GABBR2: variants seen among roughly 807,000 people sequenced by gnomAD.
The protein encoded by GABBR2 is G-protein coupled receptor 51.
A neutral mutation model predicts 105.6 loss-of-function variants in GABBR2; 23 were observed. That is an observed-to-expected ratio of 0.22 (90% confidence interval 0.16 to 0.31). The LOEUF (loss-of-function observed/expected upper bound fraction) is 0.31, where lower values mean the gene tolerates loss of function less well. GABBR2 is among the 10% of genes least tolerant of loss of function. GABBR2 has a pLI of 1.00. For missense variants in GABBR2, 734 were observed against 1,245.5 expected, an observed-to-expected ratio of 0.59 and a Z score of 6.18; for synonymous variants, 478 against 499.7, an observed-to-expected ratio of 0.96 and a Z score of 0.58.
At chr9:98,683,229 G>A (rs1830572846) in intron 1 of GABBR2, among the ~76,000 whole-genome samples, 1 of 152,148 alleles carries the variant, frequency 6.6e-6, no homozygotes. Context: ...AAGTACCTGA[G>A]ATTACAGGCA....
At position 98,290,439 on chromosome 9, in the gene GABBR2, A is replaced by T; in HGVS notation, c.*145T>A. The T allele has an allele frequency of 2.2e-6, 1 of 453,486 alleles. No homozygotes were observed. Among genetic ancestry groups the T allele is most frequent in the Non-Finnish European group, 3.7e-6 (1 of 271,280 alleles). The allele number at this position is 453,486 out of a possible 1,614,324, so 28.1% of individuals were successfully genotyped here. A position where few individuals can be genotyped will look rare whatever the true frequency, so the allele number is the denominator to read the frequency against. On this transcript the variant is annotated 3_prime_UTR_variant, in exon 19 of 19. Coordinates refer to ENST00000259455, the MANE Select transcript of GABBR2 (RefSeq NM_005458.8). ...AGTCTCCCCCTGCCCCGTCCTGTCC[A>T]CCTGAGTGCCATCCGAGTGGTCCTG...
Position 98,380,522 on chromosome 9 carries a change from C to T in GABBR2, c.1662+5118G>A, listed in dbSNP as rs3780422. 0.37 allele frequency among the ~76,000 whole-genome samples: 56,885 copies of T among 152,160 alleles called. 11,840 individuals carry two copies. Among genetic ancestry groups the T allele is most frequent in the East Asian group, 0.52 (2,708 of 5,176 alleles). On this transcript the variant is annotated intron_variant, in intron 11 of 18. Transcript: ENST00000259455. ...AGCTGCCGGGGTCCATCCCTTCCCC[C>T]TGGCACTGGGGCCCTGGCCACGCCC... is the stretch of plus-strand genomic sequence containing the variant.
intron 7 of GABBR2, among the ~76,000 whole-genome samples, chr9:98,435,985 C>T (rs1327776443): frequency 1.3e-5 from 2 of 151,934 alleles, no homozygotes; most frequent in Non-Finnish European, 2.9e-5. Context: ...TATCAGTTTT[C>T]ATCTGTTTCC....
intron 13 of GABBR2, among the ~76,000 whole-genome samples, chr9:98,351,878 T>C (rs1831405074): frequency 6.6e-6 from 1 of 152,246 alleles, no homozygotes; most frequent in Non-Finnish European, 1.5e-5. Context: ...GGAGGTATCA[T>C]GTTTCTTTGC....
chr9:98,595,157 T>G (rs776192349), intron 1 of GABBR2, among the ~76,000 whole-genome samples: 3 of 152,080 alleles, frequency 2.0e-5, no homozygotes, highest in Non-Finnish European at 2.9e-5. Flanking sequence ...GCCAGCAGAT[T>G]TGGTGTCTAG....
intron 1 of GABBR2, among the ~76,000 whole-genome samples, chr9:98,597,092 G>A (rs976816396): frequency 6.6e-6 from 1 of 152,142 alleles, no homozygotes; most frequent in Non-Finnish European, 1.5e-5. Flanking sequence ...GATCCCAGGG[G>A]TTGTCTGGGC....
At chr9:98,378,214 C>G (rs1253627756) in intron 11 of GABBR2, among the ~76,000 whole-genome samples, 1 of 152,108 alleles carries the variant, frequency 6.6e-6, no homozygotes, top group Non-Finnish European at 1.5e-5. Context: ...GTTAGAAAAT[C>G]CCAGTACCTC....
At chr9:98,402,252 G>C (rs1476979189) in intron 8 of GABBR2, among the ~76,000 whole-genome samples, 1 of 152,132 alleles carries the variant, frequency 6.6e-6, no homozygotes, top group African/African-American at 2.4e-5. Flanking sequence ...TCTAATCACG[G>C]CTTCACTCAA....
At chr9:98,614,248 G>A (rs1265332860) in intron 1 of GABBR2, among the ~76,000 whole-genome samples, 1 of 152,200 alleles carries the variant, frequency 6.6e-6, no homozygotes, top group Non-Finnish European at 1.5e-5. Flanking sequence ...ACTAGGCTGG[G>A]CGCGGTGGCT....
intron 1 of GABBR2, among the ~76,000 whole-genome samples, chr9:98,690,524 G>A (rs941625681): frequency 1.3e-5 from 2 of 152,072 alleles, no homozygotes; most frequent in East Asian, 1.9e-4. Context: ...GGAATAGCCC[G>A]CCCTTCTCTG....
rs962789804 is a variant in GABBR2 at position 98,707,053 on chromosome 9, T to C, written c.321+1364A>G. ...GCGTACCGCTGCCAACTGCCACCGG[T>C]TCCTTCACCTTTTATTTACAGCGCA... On this transcript the variant is annotated intron_variant, in intron 1 of 18. Coordinates refer to ENST00000259455, the MANE Select transcript of GABBR2 (RefSeq NM_005458.8). 3.3e-5 allele frequency among the ~76,000 whole-genome samples: 5 copies of C among 152,200 alleles called. No individual in the cohort carries two copies. In the South Asian group the frequency reaches 1.0e-3, roughly 32 times the overall value.
intron 3 of GABBR2, among the ~76,000 whole-genome samples, chr9:98,524,161 G>T (rs1420043873): frequency 3.9e-5 from 6 of 152,200 alleles, no homozygotes; most frequent in African/African-American, 7.2e-5. Context: ...AAGATAACTT[G>T]TAAAAAGGGC....
intron 1 of GABBR2, among the ~76,000 whole-genome samples, chr9:98,605,045 C>T (rs1332063379): frequency 3.9e-5 from 6 of 152,248 alleles, no homozygotes; most frequent in Non-Finnish European, 8.8e-5. Flanking sequence ...CCCCTAATGA[C>T]ATGGAAGCTG....
At position 98,288,725 on chromosome 9, in the gene GABBR2, G is replaced by T. The variant is rs1456771971; in HGVS notation, c.*1859C>A. The T allele has an allele frequency of 6.6e-6, 1 of 152,570 alleles. No individual in the cohort carries two copies. The highest frequency in any genetic ancestry group is 2.4e-5 in the African/African-American group (1 of 41,448). The allele number at this position is 152,570 out of a possible 1,614,324, so 9.5% of individuals were successfully genotyped here. Reference sequence around the variant, plus strand: ...ACAGAGAATGACTTCAACTTGACCTGTGATGTGTTAACATTTTTTTTTCCC... The same window carrying T: ...ACAGAGAATGACTTCAACTTGACCTTTGATGTGTTAACATTTTTTTTTCCC... On this transcript the variant is annotated 3_prime_UTR_variant, in exon 19 of 19. Coordinates refer to ENST00000259455, the MANE Select transcript of GABBR2 (RefSeq NM_005458.8).
intron 3 of GABBR2, among the ~76,000 whole-genome samples, chr9:98,518,695 C>T (rs572579806): frequency 3.4e-4 from 52 of 152,378 alleles, no homozygotes; most frequent in Non-Finnish European, 6.6e-4. Context: ...GAGGTCCCCT[C>T]AGCCCCACAG....
intron 7 of GABBR2, among the ~76,000 whole-genome samples, 167 bp downstream of exon 7, chr9:98,453,814 G>GC: frequency 6.6e-6 from 1 of 152,300 alleles, no homozygotes; most frequent in Admixed American, 6.5e-5. Context: ...AGCACACACT[G>GC]CCCCTGCCCC....
At chr9:98,701,083 C>T (rs1017605706) in intron 1 of GABBR2, among the ~76,000 whole-genome samples, 1 of 152,174 alleles carries the variant, frequency 6.6e-6, no homozygotes, top group Non-Finnish European at 1.5e-5. Flanking sequence ...CCTGTTGGAT[C>T]GTTATCTTGT....
At chr9:98,510,713 A>G (rs1420340110) in intron 3 of GABBR2, among the ~76,000 whole-genome samples, 3 of 151,824 alleles carry the variant, frequency 2.0e-5, no homozygotes, top group Admixed American at 2.0e-4. Context: ...TTCAACAAGA[A>G]GAGCTAACTA....
At chr9:98,455,574 G>C (rs529089429) in intron 6 of GABBR2, among the ~76,000 whole-genome samples, 2 of 152,232 alleles carry the variant, frequency 1.3e-5, no homozygotes, top group Non-Finnish European at 2.9e-5. Flanking sequence ...TGGAGGGAGG[G>C]GGGGCGCGGC....
Sources: gnomAD v4.1 joint callset for allele counts (sites outside exome capture counted in the v4.1 genomes callset) on GRCh38, gnomAD v4.1.1 for gene constraint, MANE v1.5 for transcripts, NCBI Gene and HGNC (gene_info 2026-07-23, HGNC 2026-07-21) for gene names.